The following KCNH5 variants were observed in gnomAD, a reference collection of about 807,000 sequenced individuals.
The protein encoded by KCNH5 is voltage-gated delayed rectifier potassium channel KCNH5.
Under a neutral mutation model 96.1 loss-of-function variants are expected in KCNH5, and 46 were observed. That is an observed-to-expected ratio of 0.48 (90% confidence interval 0.38 to 0.61). The LOEUF (loss-of-function observed/expected upper bound fraction) is 0.61. Ranked by LOEUF, KCNH5 falls within the 20% of genes least tolerant of loss-of-function variation. The probability of loss-of-function intolerance (pLI) is 0.00; values close to 1 mark genes in which losing one functional copy is unlikely to be tolerated. For missense variants in KCNH5, 907 were observed against 1,225.8 expected (o/e 0.74, Z 3.88); for synonymous variants, 439 against 449.8 (o/e 0.98, Z 0.30).
chr14:62,787,059 A>G (rs1886334658), intron 9 of KCNH5, among the ~76,000 whole-genome samples: 4 of 152,180 alleles, frequency 2.6e-5, no homozygotes. Context: ...TCAAGTCAAA[A>G]GGTAGACATA....
intron 1 of KCNH5, among the ~76,000 whole-genome samples, chr14:63,040,815 G>A (rs139677741): frequency 1.2e-3 from 183 of 152,110 alleles, no homozygotes; most frequent in African/African-American, 4.1e-3. Flanking sequence ...GTAAGAGATA[G>A]CTGAGTAAAA....
At chr14:62,958,172 GTTA>G (rs1207177225) in intron 6 of KCNH5, among the ~76,000 whole-genome samples, 1 of 152,148 alleles carries the variant, frequency 6.6e-6, no homozygotes, top group African/African-American at 2.4e-5. Flanking sequence ...ATTGTTGGGT[GTTA>G]TTTATCTGTT....
chr14:62,941,251 T>C (rs899978895), intron 7 of KCNH5, among the ~76,000 whole-genome samples: 8 of 152,176 alleles, frequency 5.3e-5, no homozygotes, highest in African/African-American at 1.9e-4. Flanking sequence ...TGCTGTTTTC[T>C]GGGGAAAGTC....
At chr14:62,880,939 C>T (rs565973483) in intron 7 of KCNH5, among the ~76,000 whole-genome samples, 132 of 152,216 alleles carry the variant, frequency 8.7e-4, no homozygotes, top group South Asian at 2.3e-3. Context: ...GCCAGCCAGC[C>T]GCTGATAAAT....
chr14:62,904,773 T>A (rs1186905263), intron 7 of KCNH5, among the ~76,000 whole-genome samples: 5 of 152,218 alleles, frequency 3.3e-5, no homozygotes, highest in African/African-American at 1.2e-4. Context: ...ACTTGGGGTG[T>A]ACTTCTCATT....
At chr14:62,920,896 T>TCTTA (rs1889369336) in intron 7 of KCNH5, among the ~76,000 whole-genome samples, 1 of 152,148 alleles carries the variant, frequency 6.6e-6, no homozygotes, top group Admixed American at 6.6e-5. Context: ...TATGAAACAT[T>TCTTA]CTTATTACAC....
At chr14:63,007,131 C>G (rs756520867) in intron 2 of KCNH5, among the ~76,000 whole-genome samples, 2 of 151,986 alleles carry the variant, frequency 1.3e-5, no homozygotes, top group Non-Finnish European at 2.9e-5. Context: ...AAATATGCAT[C>G]CAAAAGGACT....
chr14:62,813,566 A>C (rs1886913906), intron 8 of KCNH5, among the ~76,000 whole-genome samples: 1 of 152,226 alleles, frequency 6.6e-6, no homozygotes, highest in Non-Finnish European at 1.5e-5. Context: ...ATAATGAATA[A>C]GTTAAATGAT....
intron 7 of KCNH5, among the ~76,000 whole-genome samples, chr14:62,936,918 T>G (rs568351301): frequency 7.2e-6 from 1 of 139,090 alleles, no homozygotes; most frequent in African/African-American, 2.8e-5. Flanking sequence ...GAGGCAGAGG[T>G]TGGGGTGAGT....
chr14:62,929,642 T>C (rs1393999302), intron 7 of KCNH5, among the ~76,000 whole-genome samples: 2 of 152,128 alleles, frequency 1.3e-5, no homozygotes, highest in Non-Finnish European at 1.5e-5. Context: ...ACCTCTCTTT[T>C]TTTCTGAAGG....
chr14:63,037,313 T>G (rs1044512085), intron 1 of KCNH5, among the ~76,000 whole-genome samples: 1 of 152,142 alleles, frequency 6.6e-6, no homozygotes, highest in Non-Finnish European at 1.5e-5. Context: ...GCACATGCCC[T>G]CCACAGAAAA....
chr14:62,867,850 G>C (rs1253309762), intron 7 of KCNH5, among the ~76,000 whole-genome samples: 1 of 152,050 alleles, frequency 6.6e-6, no homozygotes, highest in Non-Finnish European at 1.5e-5. Context: ...TGCTTACATG[G>C]TTCCCACCTT....
intron 8 of KCNH5, among the ~76,000 whole-genome samples, chr14:62,840,562 T>TTTC (rs1595649243): frequency 7.6e-6 from 1 of 131,396 alleles, no homozygotes; most frequent in East Asian, 2.7e-4. Context: ...TTTTTCTTTT[T>TTTC]TTTCTTTTTT....
rs567762682 is a variant in KCNH5, at chr14:62,922,603, C to T, written c.1369+27530G>A. Among the ~76,000 whole-genome samples, 110 of 152,016 alleles carry T rather than the reference C, an allele frequency of 7.2e-4. No individual in the cohort carries two copies. In the South Asian group the frequency reaches 0.02, roughly 28 times the overall value. ...CATATTAAAAGGATCATACACTATA[C>T]GCCATGATCAAGCTGAATCTATTTC... On this transcript the variant is annotated intron_variant, in intron 7 of 10. Transcript: ENST00000322893.
intron 9 of KCNH5, among the ~76,000 whole-genome samples, chr14:62,787,999 G>C (rs1289379702): frequency 1.3e-5 from 2 of 152,154 alleles, no homozygotes. Flanking sequence ...GGATCAAGGA[G>C]CAATTTTGAC....
chr14:62,943,613 T>C (rs903029649), intron 7 of KCNH5, among the ~76,000 whole-genome samples: 1 of 152,178 alleles, frequency 6.6e-6, no homozygotes, highest in Non-Finnish European at 1.5e-5. Context: ...CATACTATTT[T>C]CTACAAGTGC....
intron 10 of KCNH5, among the ~76,000 whole-genome samples, chr14:62,743,112 T>C (rs1885305394): frequency 6.6e-6 from 1 of 152,192 alleles, no homozygotes. Context: ...CTGGAGATTG[T>C]GTAATATTTA....
At chr14:63,014,204 C>T (rs1021925590) in intron 2 of KCNH5, among the ~76,000 whole-genome samples, 7 of 152,090 alleles carry the variant, frequency 4.6e-5, no homozygotes, top group Non-Finnish European at 1.0e-4. Flanking sequence ...AGTTAAAAAG[C>T]ATGGTATAAT....
chr14:62,734,327 C>G (rs11627747), intron 10 of KCNH5, among the ~76,000 whole-genome samples: 1 of 151,924 alleles, frequency 6.6e-6, no homozygotes, highest in African/African-American at 2.4e-5. Context: ...ACGGGATGCT[C>G]TACTGCTGCT....
Sources: gnomAD v4.1 joint callset for allele counts (sites outside exome capture counted in the v4.1 genomes callset) on GRCh38, gnomAD v4.1.1 for gene constraint, MANE v1.5 for transcripts, NCBI Gene and HGNC (gene_info 2026-07-23, HGNC 2026-07-21) for gene names.